The following ADCY2 variants were observed in gnomAD, a reference collection of about 807,000 sequenced individuals.
ADCY2 encodes adenylate cyclase 2, also known as adenylate cyclase type 2.
A neutral mutation model predicts 125.2 loss-of-function variants in ADCY2; 31 were observed. The ratio of observed to expected loss-of-function variants is 0.25; its 90% CI spans 0.19 to 0.33. ADCY2 has a LOEUF of 0.33. ADCY2 is among the 10% of genes least tolerant of loss of function. The pLI, the probability that ADCY2 is intolerant of heterozygous loss-of-function variation, is 1.00. For synonymous variants in ADCY2, 512 were observed against 548.4 expected (o/e 0.93, Z 0.93); for missense variants, 904 against 1,418.2 (o/e 0.64, Z 5.82).
At chr5:7,617,841 G>A (rs1737816584) in intron 3 of ADCY2, among the ~76,000 whole-genome samples, 1 of 152,190 alleles carries the variant, frequency 6.6e-6, no homozygotes, top group Non-Finnish European at 1.5e-5. Flanking sequence ...TCTATCAAGG[G>A]AAGCAGTGGC....
At chr5:7,790,435 T>C (rs1744217183) in intron 20 of ADCY2, among the ~76,000 whole-genome samples, 1 of 152,244 alleles carries the variant, frequency 6.6e-6, no homozygotes, top group Non-Finnish European at 1.5e-5. Flanking sequence ...GACTACAATG[T>C]CAGTTAAATA....
At chr5:7,677,158 A>G (rs1216172313) in intron 4 of ADCY2, among the ~76,000 whole-genome samples, 2 of 152,040 alleles carry the variant, frequency 1.3e-5, no homozygotes, top group Non-Finnish European at 2.9e-5. Flanking sequence ...CGGGCCTGTA[A>G]TCTCAGCTAC....
At chr5:7,541,484 T>G (rs569405694) in intron 3 of ADCY2, among the ~76,000 whole-genome samples, 9 of 152,308 alleles carry the variant, frequency 5.9e-5, no homozygotes, top group African/African-American at 1.4e-4. Flanking sequence ...ACATTCTTGA[T>G]GAGATCACAC....
chr5:7,495,984 TCTC>T (rs1403006324), intron 2 of ADCY2, among the ~76,000 whole-genome samples: 1 of 152,184 alleles, frequency 6.6e-6, no homozygotes, highest in Non-Finnish European at 1.5e-5. Context: ...TAAGTGCAGT[TCTC>T]CTAGGCAAGC....
chr5:7,671,163 T>C (rs1739921634), intron 4 of ADCY2, among the ~76,000 whole-genome samples: 1 of 152,236 alleles, frequency 6.6e-6, no homozygotes, highest in South Asian at 2.1e-4. Flanking sequence ...CAGTCTTGCA[T>C]CTTCTTTATT....
intron 4 of ADCY2, among the ~76,000 whole-genome samples, chr5:7,678,968 T>G (rs905332348): frequency 1.3e-5 from 2 of 152,250 alleles, no homozygotes; most frequent in Admixed American, 6.5e-5. Context: ...TGTTTATTGT[T>G]TGTCTTCCTA....
At position 7,498,481 on chromosome 5, in the gene ADCY2, C is replaced by T. The variant is rs559971061; in HGVS notation, c.409-22257C>T. Among the ~76,000 whole-genome samples the T allele has an allele frequency of 2.0e-5, 3 of 152,160 alleles. No homozygotes were observed. The East Asian group carries it at 5.8e-4, about 29-fold the overall frequency. On this transcript the variant is annotated intron_variant, in intron 2 of 24. Transcript: ENST00000338316. ...ACCAGGATGGTCTCGATCTCCTGAC[C>T]TCGTGATCCGCCTGCTTCAGCCTCC...
chr5:7,826,694 T>C (rs780686727), intron 24 of ADCY2, 25 bp from the exon 25 acceptor site: 78 of 1,613,798 alleles, frequency 4.8e-5, no homozygotes, highest in Non-Finnish European at 6.5e-5. Flanking sequence ...CTAAGCCCGT[T>C]TTCCCGTGTT....
intron 2 of ADCY2, among the ~76,000 whole-genome samples, chr5:7,451,672 A>G (rs1212702934): frequency 6.6e-6 from 1 of 152,250 alleles, no homozygotes; most frequent in Admixed American, 6.5e-5. Context: ...ACAAATTAGT[A>G]TCATATGCTA....
intron 3 of ADCY2, among the ~76,000 whole-genome samples, chr5:7,615,859 A>C (rs1737739141): frequency 6.6e-6 from 1 of 152,248 alleles, no homozygotes; most frequent in Admixed American, 6.5e-5. Flanking sequence ...TGGGATATGT[A>C]GGTGGCAGTA....
At chr5:7,819,649 T>TC (rs1281747980) in intron 23 of ADCY2, among the ~76,000 whole-genome samples, 1 of 152,150 alleles carries the variant, frequency 6.6e-6, no homozygotes. Context: ...ATTCTCCCTT[T>TC]CCCCCGACCC....
intron 4 of ADCY2, among the ~76,000 whole-genome samples, chr5:7,657,082 G>C (rs558448718): frequency 6.6e-6 from 1 of 152,142 alleles, no homozygotes; most frequent in African/African-American, 2.4e-5. Flanking sequence ...TGCAAAAGTG[G>C]ATTTCATGTT....
At chr5:7,718,077 T>C (rs1029767194) in intron 12 of ADCY2, among the ~76,000 whole-genome samples, 16 of 152,162 alleles carry the variant, frequency 1.1e-4, no homozygotes, top group Admixed American at 9.8e-4. Flanking sequence ...CTAGAGCTCT[T>C]TGTCTCTAAA....
intron 3 of ADCY2, among the ~76,000 whole-genome samples, chr5:7,619,022 G>A (rs1189121608): frequency 6.6e-6 from 1 of 152,102 alleles, no homozygotes; most frequent in African/African-American, 2.4e-5. Context: ...GGAAGATCCA[G>A]GACTATTCAG....
At chr5:7,555,584 A>T (rs916957409) in intron 3 of ADCY2, among the ~76,000 whole-genome samples, 1 of 152,202 alleles carries the variant, frequency 6.6e-6, no homozygotes, top group Admixed American at 6.5e-5. Flanking sequence ...AAAGCACTTT[A>T]AATACACAGG....
At chr5:7,821,276 G>A (rs566428010) in intron 24 of ADCY2, among the ~76,000 whole-genome samples, 28 of 152,192 alleles carry the variant, frequency 1.8e-4, no homozygotes, top group African/African-American at 5.3e-4. Flanking sequence ...AATTATAATC[G>A]TGGTTAAAGT....
intron 4 of ADCY2, among the ~76,000 whole-genome samples, chr5:7,675,227 A>T (rs1490919233): frequency 6.6e-6 from 1 of 152,114 alleles, no homozygotes; most frequent in Non-Finnish European, 1.5e-5. Context: ...TGTATAGGGA[A>T]GTTCTACCCA....
chr5:7,816,808 G>T, intron 22 of ADCY2, 58 bp from the exon 23 acceptor site: 1 of 1,422,962 alleles, frequency 7.0e-7, no homozygotes, highest in South Asian at 1.2e-5. Flanking sequence ...GGACAAAGGG[G>T]AACAGTTTCC....
intron 1 of ADCY2, among the ~76,000 whole-genome samples, chr5:7,398,745 T>C (rs1005725674): frequency 6.6e-6 from 1 of 152,214 alleles, no homozygotes; most frequent in African/African-American, 2.4e-5. Flanking sequence ...AGAGACCAGC[T>C]GCAGGACCAA....
Sources: allele counts gnomAD v4.1 joint callset (sites outside exome capture counted in the v4.1 genomes callset), GRCh38; gene constraint gnomAD v4.1.1; transcripts MANE v1.5; gene names NCBI Gene and HGNC (gene_info 2026-07-23, HGNC 2026-07-21).